TNPO3: variants seen among roughly 807,000 people sequenced by gnomAD.
The protein encoded by TNPO3 is transportin 3.
TNPO3 carries 65 observed loss-of-function variants against 122.8 expected under a neutral mutation model. The ratio of observed to expected loss-of-function variants is 0.53; its 90% CI spans 0.43 to 0.65. The LOEUF is 0.65. Ranked by LOEUF, TNPO3 falls within the 30% of genes least tolerant of loss-of-function variation. The pLI, the probability that TNPO3 is intolerant of heterozygous loss-of-function variation, is 0.00. For synonymous variants in TNPO3, 372 were observed against 411.2 expected (o/e 0.90, Z 1.15); for missense variants, 850 against 1,136.7 (o/e 0.75, Z 3.63).
At chr7:129,055,872 T>C, upstream of TNPO3, 1 of 597,198 alleles carries the variant, frequency 1.7e-6, no homozygotes, top group Non-Finnish European at 3.0e-6. Flanking sequence ...TTTGCACTAG[T>C]AAATAACTGC....
chr7:129,036,059 T>C (rs1002432997), intron 1 of TNPO3, among the ~76,000 whole-genome samples: 4 of 151,208 alleles, frequency 2.6e-5, no homozygotes, highest in African/African-American at 9.7e-5. Flanking sequence ...ATTCAAGTGA[T>C]TCTCCTGCCT....
chr7:128,970,204 A>G lies in TNPO3; in HGVS notation c.2542T>C (p.Tyr848His). 1 of 1,613,954 alleles carries G rather than the reference A, an allele frequency of 6.2e-7. No individual in the cohort carries two copies. The highest frequency in any genetic ancestry group is 8.5e-7 in the Non-Finnish European group (1 of 1,179,932). ...ACTTCAGCCACATCTGGTAGGGTATAGGGGGGGAGGCAAAAGCAGCAGGTG... is the reference window on the plus strand; with the variant it reads ...ACTTCAGCCACATCTGGTAGGGTATGGGGGGGGAGGCAAAAGCAGCAGGTG... ...LHTCCFCLPPYTLPDVAEVLW... is the reference protein window; with the variant it reads ...LHTCCFCLPPHTLPDVAEVLW... The change falls in exon 20 of 23, where the codon TAT becomes CAT. Residue 848 changes from tyrosine to histidine, a missense_variant. Transcript: ENST00000265388.
intron 17 of TNPO3, among the ~76,000 whole-genome samples, chr7:128,975,286 G>A (rs1798938593): frequency 6.6e-6 from 1 of 152,186 alleles, no homozygotes; most frequent in Admixed American, 6.5e-5. Flanking sequence ...AGTCCACTAA[G>A]GGAGTGGAAG....
intron 17 of TNPO3, 27 bp from the exon 18 acceptor site, chr7:128,974,989 A>G (rs1272840643): frequency 6.3e-7 from 1 of 1,589,788 alleles, no homozygotes. Context: ...ATTTTAAAAG[A>G]AATGCTTTTT....
intron 1 of TNPO3, among the ~76,000 whole-genome samples, chr7:129,053,160 C>G (rs1324424289): frequency 6.6e-6 from 1 of 151,970 alleles, no homozygotes; most frequent in Non-Finnish European, 1.5e-5. Flanking sequence ...CCCGTTTCTA[C>G]TAAAAAATAC....
chr7:128,972,490 C>T lies in TNPO3; in HGVS notation c.2366G>A (p.Arg789Gln), dbSNP rs370295871. Reference protein sequence around the residue: ...WAIASTTLDHRDANCSVMRFL... With the variant: ...WAIASTTLDHQDANCSVMRFL... ...CCTCATGACACTACAATTGGCATCC[C>T]GGTGGTCCAGGGTAGTAGAGGCAAT... The change falls in exon 19 of 23, where the codon CGG (arginine) becomes CAG (glutamine). Residue 789 changes from arginine to glutamine, a missense_variant. By Grantham distance (43) the Arg-to-Gln change is conservative (BLOSUM62 1). Transcript: ENST00000265388. The T allele has an allele frequency of 3.1e-6, 5 of 1,614,074 alleles. No individual in the cohort carries two copies. Among genetic ancestry groups the T allele is most frequent in the Non-Finnish European group, 4.2e-6 (5 of 1,180,006 alleles).
At chr7:129,053,702 G>C (rs1296332279) in intron 1 of TNPO3, among the ~76,000 whole-genome samples, 1 of 152,034 alleles carries the variant, frequency 6.6e-6, no homozygotes, top group Non-Finnish European at 1.5e-5. Context: ...CAAAAATAAA[G>C]GTAAAGGTGA....
At chr7:129,043,035 G>A (rs1238764947) in intron 1 of TNPO3, among the ~76,000 whole-genome samples, 2 of 152,058 alleles carry the variant, frequency 1.3e-5, no homozygotes, top group African/African-American at 4.8e-5. Context: ...CTCCATAAGA[G>A]CTAAATATAT....
chr7:129,042,248 T>C (rs1018908558), intron 1 of TNPO3, among the ~76,000 whole-genome samples: 1 of 152,190 alleles, frequency 6.6e-6, no homozygotes, highest in East Asian at 1.9e-4. Context: ...AAGTGTCAGG[T>C]TGCTGCATTT....
intron 1 of TNPO3, among the ~76,000 whole-genome samples, chr7:129,035,049 C>T (rs962944400): frequency 8.0e-5 from 12 of 149,940 alleles, no homozygotes; most frequent in Middle Eastern, 3.7e-3. Flanking sequence ...CAGAGGTGGG[C>T]GGATCATGAG....
chr7:129,005,815 T>C (rs1802517778), intron 4 of TNPO3, among the ~76,000 whole-genome samples: 1 of 148,702 alleles, frequency 6.7e-6, no homozygotes, highest in South Asian at 2.1e-4. Flanking sequence ...GGAGTATTGC[T>C]CTGTTGCCCA....
At position 128,976,062 on chromosome 7, in the gene TNPO3, C is replaced by T. The variant is rs1585328856; in HGVS notation, c.2062-127G>A. 1.3e-5 allele frequency: 9 copies of T among 675,130 alleles called. No homozygotes were observed. The East Asian group carries it at 2.4e-4, about 18-fold the overall frequency. The allele number at this position is 675,130 out of a possible 1,614,324, so 41.8% of individuals were successfully genotyped here. On this transcript the variant is annotated intron_variant, in intron 16 of 22. Coordinates refer to ENST00000265388, the MANE Select transcript of TNPO3 (RefSeq NM_012470.4). ...CTCTTTAAGGCAACATAGTATAAAG[C>T]TTCTTAGCACTATTTTGTGAAACAC... is the stretch of plus-strand genomic sequence containing the variant.
chr7:129,049,364 G>A (rs751905886), intron 1 of TNPO3, among the ~76,000 whole-genome samples: 1 of 152,174 alleles, frequency 6.6e-6, no homozygotes, highest in Non-Finnish European at 1.5e-5. Context: ...TCTGACAAGA[G>A]GAGAAGCAGC....
intron 4 of TNPO3, among the ~76,000 whole-genome samples, chr7:129,006,625 G>A (rs889549047): frequency 1.2e-4 from 19 of 152,190 alleles, no homozygotes; most frequent in Non-Finnish European, 2.4e-4. Context: ...GGTTCAGGAG[G>A]CATGAGAGTG....
At chr7:129,035,445 A>G (rs182084432) in intron 1 of TNPO3, among the ~76,000 whole-genome samples, 1 of 152,236 alleles carries the variant, frequency 6.6e-6, no homozygotes, top group East Asian at 1.9e-4. Context: ...TCTACACAAA[A>G]AAGAAAGAAA....
chr7:128,982,522 G>C (rs1376194422), intron 13 of TNPO3, among the ~76,000 whole-genome samples, 198 bp from the exon 14 acceptor site: 1 of 152,088 alleles, frequency 6.6e-6, no homozygotes, highest in African/African-American at 2.4e-5. Flanking sequence ...CCATCTTATT[G>C]CATCCTGGCC....
chr7:129,042,165 C>T (rs1807455794), intron 1 of TNPO3, among the ~76,000 whole-genome samples: 1 of 152,144 alleles, frequency 6.6e-6, no homozygotes, highest in African/African-American at 2.4e-5. Flanking sequence ...TCACTGAGTA[C>T]CAAAGAGCTC....
At chr7:129,042,249 T>A (rs898760241) in intron 1 of TNPO3, among the ~76,000 whole-genome samples, 1 of 152,220 alleles carries the variant, frequency 6.6e-6, no homozygotes, top group African/African-American at 2.4e-5. Context: ...AGTGTCAGGT[T>A]GCTGCATTTT....
chr7:129,000,628 A>G, intron 6 of TNPO3, 61 bp from the exon 7 acceptor site: 2 of 1,479,280 alleles, frequency 1.4e-6, no homozygotes, highest in Admixed American at 3.9e-5. Context: ...AAGTATATAC[A>G]GGCACAGTTA....
Sources: gnomAD v4.1 joint callset for allele counts (sites outside exome capture counted in the v4.1 genomes callset) on GRCh38, gnomAD v4.1.1 for gene constraint, MANE v1.5 for transcripts, NCBI Gene and HGNC (gene_info 2026-07-23, HGNC 2026-07-21) for gene names.